Variants in DAB1 observed in about 807,000 individuals in gnomAD.
The protein encoded by DAB1 is disabled homolog 1.
Under a neutral mutation model 64.6 loss-of-function variants are expected in DAB1, and 15 were observed. That is an observed-to-expected ratio of 0.23 (90% confidence interval 0.16 to 0.36). The LOEUF (loss-of-function observed/expected upper bound fraction) is 0.36, where lower values mean the gene tolerates loss of function less well. DAB1 is among the 10% of genes least tolerant of loss of function. DAB1 has a pLI of 1.00. For synonymous variants in DAB1, 235 were observed against 251.9 expected, an observed-to-expected ratio of 0.93 and a Z score of 0.64; for missense variants, 596 against 706.7, an observed-to-expected ratio of 0.84 and a Z score of 1.78.
chr1:58,180,281 C>CTTTTTTTTTTTTCTTTTTT (rs1656710462), intron 4 of DAB1, among the ~76,000 whole-genome samples: 4 of 61,034 alleles, frequency 6.6e-5, no homozygotes, highest in Admixed American at 2.4e-4. Flanking sequence ...TTTTTCTTTT[C>CTTTTTTTTTTTTCTTTTTT]TTTTTTTTTT....
intron 1 of DAB1, among the ~76,000 whole-genome samples, chr1:57,852,238 C>G (rs1207267456): frequency 6.6e-6 from 1 of 152,206 alleles, no homozygotes; most frequent in East Asian, 1.9e-4. Flanking sequence ...GAATGCCACA[C>G]AGAGAGGCCA....
At chr1:58,427,550 G>A (rs994920932) in intron 3 of DAB1, among the ~76,000 whole-genome samples, 4 of 152,082 alleles carry the variant, frequency 2.6e-5, no homozygotes, top group African/African-American at 9.7e-5. Context: ...AAAGTGATTC[G>A]ACTGTTCATA....
At chr1:57,682,012 G>A (rs1646641549) in intron 6 of DAB1, among the ~76,000 whole-genome samples, 1 of 152,022 alleles carries the variant, frequency 6.6e-6, no homozygotes, top group African/African-American at 2.4e-5. Flanking sequence ...GCCCTTAATA[G>A]GCTTCCGAAC....
chr1:57,858,903 T>C (rs1653878436), intron 1 of DAB1, among the ~76,000 whole-genome samples: 1 of 151,832 alleles, frequency 6.6e-6, no homozygotes, highest in African/African-American at 2.4e-5. Flanking sequence ...AATCCCACTC[T>C]CTGACATTCA....
At chr1:58,447,858 A>C (rs11411568) in intron 3 of DAB1, among the ~76,000 whole-genome samples, 2,658 of 37,524 alleles carry the variant, frequency 0.071, 69 homozygotes, top group African/African-American at 0.19. Flanking sequence ...TGACTTAAAC[A>C]AAAAAAAAAA....
intron 7 of DAB1, among the ~76,000 whole-genome samples, chr1:57,598,370 C>T (rs1216675976): frequency 1.3e-5 from 2 of 152,260 alleles, no homozygotes; most frequent in African/African-American, 4.8e-5. Context: ...TTGCTGTGTG[C>T]CCCTTGGCAA....
intron 3 of DAB1, among the ~76,000 whole-genome samples, chr1:58,373,100 T>A (rs1045592908): frequency 6.6e-6 from 1 of 152,114 alleles, no homozygotes; most frequent in African/African-American, 2.4e-5. Flanking sequence ...TTTCTAAGTT[T>A]CTTAAAATAA....
intron 5 of DAB1, among the ~76,000 whole-genome samples, chr1:58,121,796 TA>T (rs1335864282): frequency 1.3e-5 from 2 of 152,178 alleles, no homozygotes; most frequent in African/African-American, 4.8e-5. Flanking sequence ...TGTACATGCA[TA>T]CATATATATA....
intron 3 of DAB1, among the ~76,000 whole-genome samples, chr1:58,450,980 T>A (rs186046987): frequency 3.7e-4 from 57 of 152,276 alleles, no homozygotes; most frequent in Admixed American, 1.8e-3. Context: ...TGACCGGTAC[T>A]CACCAAAATT....
intron 6 of DAB1, among the ~76,000 whole-genome samples, chr1:57,683,344 G>A (rs1248163891): frequency 1.3e-5 from 2 of 152,084 alleles, no homozygotes; most frequent in Admixed American, 1.3e-4. Flanking sequence ...TGATGGGAGG[G>A]GGCTCCCTGA....
intron 5 of DAB1, among the ~76,000 whole-genome samples, chr1:57,918,351 C>G (rs1012498237): frequency 6.6e-6 from 1 of 152,070 alleles, no homozygotes; most frequent in Non-Finnish European, 1.5e-5. Context: ...CTAAAAAGTT[C>G]AAGGGCCTGG....
chr1:57,426,759 A>T (rs1397915912), upstream of DAB1, among the ~76,000 whole-genome samples: 1 of 152,126 alleles, frequency 6.6e-6, no homozygotes, highest in Admixed American at 6.5e-5. Flanking sequence ...AGCTTCATTC[A>T]TCTTTAACAA....
At chr1:58,524,389 A>G (rs1428348792) in intron 2 of DAB1, among the ~76,000 whole-genome samples, 1 of 152,238 alleles carries the variant, frequency 6.6e-6, no homozygotes, top group Non-Finnish European at 1.5e-5. Flanking sequence ...CTTCGCTGGC[A>G]TTAAATTCTC....
intron 6 of DAB1, among the ~76,000 whole-genome samples, chr1:57,692,200 CCTGTCAGA>C (rs1646772473): frequency 6.6e-6 from 1 of 152,094 alleles, no homozygotes; most frequent in African/African-American, 2.4e-5. Context: ...GGTCCTAATG[CCTGTCAGA>C]CAAACTTCCT....
rs547843341 is a variant in DAB1 at position 57,537,191 on chromosome 1, G to A, written n.625+112401C>T. Reference sequence around the variant, plus strand: ...TACTAGAGATTGTATAATTATACATGTGAGTCACATTATATTTTTACTGGA... The same window carrying A: ...TACTAGAGATTGTATAATTATACATATGAGTCACATTATATTTTTACTGGA... On this transcript the variant is annotated intron_variant and non_coding_transcript_variant, in intron 7 of 20. Transcript: ENST00000485760. 2.6e-5 allele frequency among the ~76,000 whole-genome samples: 4 copies of A among 152,232 alleles called. No homozygotes were observed. The East Asian group carries it at 7.7e-4, about 29-fold the overall frequency.
At chr1:57,254,517 T>G (rs1238484594) in intron 2 of DAB1, among the ~76,000 whole-genome samples, 1 of 152,224 alleles carries the variant, frequency 6.6e-6, no homozygotes, top group African/African-American at 2.4e-5. Context: ...CAGGGCTTCT[T>G]GTTTGGTGTA....
intron 9 of DAB1, among the ~76,000 whole-genome samples, chr1:57,047,360 C>T (rs1242855179): frequency 6.6e-6 from 1 of 152,160 alleles, no homozygotes; most frequent in East Asian, 1.9e-4. Flanking sequence ...TGTTAAAGCC[C>T]TAACCCCCAG....
chr1:57,209,040 G>A (rs1665810532), intron 2 of DAB1, among the ~76,000 whole-genome samples: 1 of 152,218 alleles, frequency 6.6e-6, no homozygotes, highest in African/African-American at 2.4e-5. Flanking sequence ...AAGGTGAGCT[G>A]CAGATGGCAT....
chr1:57,928,290 C>T (rs1347879461), intron 5 of DAB1, among the ~76,000 whole-genome samples: 1 of 152,030 alleles, frequency 6.6e-6, no homozygotes, highest in African/African-American at 2.4e-5. Flanking sequence ...CTTTAATAGA[C>T]TTTATTTTTT....
Sources: allele counts gnomAD v4.1 joint callset (sites outside exome capture counted in the v4.1 genomes callset), GRCh38; gene constraint gnomAD v4.1.1; transcripts MANE v1.5; gene names NCBI Gene and HGNC (gene_info 2026-07-23, HGNC 2026-07-21).